FMNL3: variants seen among roughly 807,000 people sequenced by gnomAD.
FMNL3 encodes the protein formin-like protein 3.
FMNL3 carries 57 observed loss-of-function variants against 119.6 expected under a neutral mutation model. The observed-to-expected ratio is 0.48, with a 90% confidence interval of 0.39 to 0.59. The LOEUF is 0.59. Ranked by LOEUF, FMNL3 falls within the 20% of genes least tolerant of loss-of-function variation. FMNL3 has a pLI of 0.00. For synonymous variants in FMNL3, 491 were observed against 507.3 expected (o/e 0.97, Z 0.43); for missense variants, 1,053 against 1,323.5 (o/e 0.80, Z 3.17).
rs551320921 is a variant in FMNL3 at position 49,679,519 on chromosome 12, CTTTTTT to C, written c.127-10971_127-10966del. Among the ~76,000 whole-genome samples the C allele has an allele frequency of 4.0e-4, 36 of 90,642 alleles. No homozygotes were observed. In the East Asian group the frequency reaches 8.9e-3, roughly 22 times the overall value. The allele number at this position is 90,642 out of a possible 152,430, so 59.5% of individuals were successfully genotyped here. On this transcript the variant is annotated intron_variant, in intron 1 of 25. Transcript: ENST00000335154. Reference sequence around the variant, plus strand: ...ATCATTCTTGGAACAGCATTTGTGTCTTTTTTTTTTTTTTTTTTTTTTTTTGAGACA... The same window carrying C: ...ATCATTCTTGGAACAGCATTTGTGTCTTTTTTTTTTTTTTTTTTTGAGACA...
chr12:49,645,626 T>C lies in FMNL3; in HGVS notation c.*189A>G, dbSNP rs1291178145. On this transcript the variant is annotated 3_prime_UTR_variant, in exon 26 of 26. Transcript: ENST00000335154. ...AGACCTTGGGGGCAAAGTGCAGTAC[T>C]GGAAGCACCAGGGACCTACAGACCT... The C allele has an allele frequency of 7.2e-6, 4 of 558,798 alleles. No individual in the cohort carries two copies. The highest frequency in any genetic ancestry group is 1.2e-5 in the Non-Finnish European group (4 of 320,616). 34.6% of individuals were successfully genotyped at this position (558,798 alleles called of 1,614,324 possible). A position where few individuals can be genotyped will look rare whatever the true frequency, so the allele number is the denominator to read the frequency against.
chr12:49,649,499 A>C lies in FMNL3; in HGVS notation c.2275T>G (p.Ser759Ala), dbSNP rs761596601. 4.3e-6 allele frequency: 7 copies of C among 1,614,056 alleles called. No homozygotes were observed. Among genetic ancestry groups the C allele is most frequent in the Non-Finnish European group, 8.5e-7 (1 of 1,180,052 alleles). The change falls in exon 19 of 26, where the codon TCT becomes GCT. Residue 759 changes from serine (S) to alanine (A), a missense_variant. Transcript: ENST00000335154. This position sits in a 1 kb window ranked among gnomAD's most constrained non-coding sequence, Gnocchi z 5.6. Reference sequence around the variant, plus strand: ...AACATCTGCTTCAGCTTCTGTGAAGACTTGACGGAAGCGGACGCCGCAATG... The same window carrying C: ...AACATCTGCTTCAGCTTCTGTGAAGCCTTGACGGAAGCGGACGCCGCAATG... Reference protein sequence around the residue: ...AIIAASASVKSSQKLKQMLEI... With the variant: ...AIIAASASVKASQKLKQMLEI...
rs1427068108 is a variant in FMNL3 at position 49,637,461 on chromosome 12, C to T, written c.*8354G>A. ...TCACTCTCCCTATAACTGGCCTCTC[C>T]CTGCTCAGACCTTCCTGGACGAGCT... On this transcript the variant is annotated 3_prime_UTR_variant, in exon 26 of 26. Coordinates refer to ENST00000335154, the MANE Select transcript of FMNL3 (RefSeq NM_175736.5). The T allele has an allele frequency of 1.9e-6, 3 of 1,609,038 alleles. No individual in the cohort carries two copies. In the South Asian group the frequency reaches 3.3e-5, roughly 18 times the overall value.
chr12:49,678,012 G>A (rs1002621051), intron 1 of FMNL3, among the ~76,000 whole-genome samples: 5 of 150,914 alleles, frequency 3.3e-5, no homozygotes, highest in African/African-American at 1.2e-4. Context: ...ACACACATCC[G>A]CCACCATACC....
chr12:49,673,012 G>A (rs1217396189), intron 1 of FMNL3, among the ~76,000 whole-genome samples: 2 of 152,196 alleles, frequency 1.3e-5, no homozygotes, highest in African/African-American at 4.8e-5. Context: ...AGCTCCAGCA[G>A]GGGCTGTTTG....
At chr12:49,696,426 G>A (rs1053196327) in intron 1 of FMNL3, among the ~76,000 whole-genome samples, 1 of 152,182 alleles carries the variant, frequency 6.6e-6, no homozygotes, top group African/African-American at 2.4e-5. Flanking sequence ...ATTCTCGTTT[G>A]ATTGAAAAAT....
At position 49,662,008 on chromosome 12, in the gene FMNL3, T is replaced by A. The variant is rs1943748292; in HGVS notation, c.410A>T (p.Asp137Val). The A allele has an allele frequency of 6.2e-7, 1 of 1,613,932 alleles. No individual in the cohort carries two copies. The highest frequency in any genetic ancestry group is 1.1e-5 in the South Asian group (1 of 91,086). Residue 137 changes from aspartate (D) to valine (V), a missense_variant, in exon 5 of 26, where the codon GAT becomes GTT. By Grantham distance (152) the Asp-to-Val change is radical (BLOSUM62 -3). Transcript: ENST00000335154. Reference sequence around the variant, plus strand: ...AAAGGACAGGTAATCCACCAGTACATCCAGGCCTTTGTTTTCATCATTCAG... The same window carrying A: ...AAAGGACAGGTAATCCACCAGTACAACCAGGCCTTTGTTTTCATCATTCAG... ...EFLNDENKGL[D>V]VLVDYLSFAQ... is the part of the protein sequence containing the mutation.
chr12:49,656,958 A>C, intron 7 of FMNL3, 59 bp from the exon 8 acceptor site: 1 of 1,544,056 alleles, frequency 6.5e-7, no homozygotes, highest in South Asian at 1.1e-5. Flanking sequence ...GAGCCCAGCC[A>C]ATCTCCTTGA....
intron 14 of FMNL3, 109 bp from the exon 15 acceptor site, chr12:49,651,559 T>C: frequency 1.2e-6 from 1 of 836,106 alleles, no homozygotes; most frequent in East Asian, 3.0e-5. Context: ...AAAAAAAAAC[T>C]CTCAGAGAAG....
At position 49,637,496 on chromosome 12, in the gene FMNL3, A is replaced by T; in HGVS notation, c.*8319T>A. 1.1e-5 allele frequency: 17 copies of T among 1,613,644 alleles called. No homozygotes were observed. The highest frequency in any genetic ancestry group is 1.4e-5 in the Non-Finnish European group (16 of 1,179,938). ...CCTTCCTGGACGAGCTGCATGAGAC[A>T]GGGCAGCTGCACTCTATGTCCACCT... On this transcript the variant is annotated 3_prime_UTR_variant, in exon 26 of 26. Coordinates refer to ENST00000335154, the MANE Select transcript of FMNL3 (RefSeq NM_175736.5).
In FMNL3 at chr12:49,694,117, A is replaced by G. The variant is rs550266945; in HGVS notation, c.126+12938T>C. Among the ~76,000 whole-genome samples, 5 of 151,626 alleles carry G rather than the reference A, an allele frequency of 3.3e-5. No homozygotes were observed. The East Asian group carries it at 9.8e-4, about 30-fold the overall frequency. On this transcript the variant is annotated intron_variant, in intron 1 of 25. Coordinates refer to ENST00000335154, the MANE Select transcript of FMNL3 (RefSeq NM_175736.5). Reference sequence around the variant, plus strand: ...TTATTTTTGTAGAGACAGGGGTCTCACTATGTTGCCCAGGCTAGTCTCGAA... The same window carrying G: ...TTATTTTTGTAGAGACAGGGGTCTCGCTATGTTGCCCAGGCTAGTCTCGAA...
intron 1 of FMNL3, among the ~76,000 whole-genome samples, chr12:49,700,240 A>C (rs185255578): frequency 1.3e-5 from 2 of 151,818 alleles, no homozygotes; most frequent in South Asian, 2.1e-4. Context: ...AAAACACAAA[A>C]AATTAGCCAG....
Position 49,649,431 on chromosome 12 carries a change from T to C in FMNL3, c.2304+39A>G, listed in dbSNP as rs761316831. 55 of 1,613,840 alleles carry C rather than the reference T, an allele frequency of 3.4e-5. No homozygotes were observed. The highest frequency in any genetic ancestry group is 1.2e-4 in the Admixed American group (7 of 60,016). ...TAGCCCCAGGCCCCCACCTAGGACC[T>C]GAAAACCCCCAGCACCCCTGTTCAC... On this transcript the variant is annotated intron_variant, in intron 19 of 25. Coordinates refer to ENST00000335154, the MANE Select transcript of FMNL3 (RefSeq NM_175736.5). The surrounding 1 kb of genome is among the most constrained non-coding windows in gnomAD (Gnocchi z 5.6).
chr12:49,695,665 A>G (rs1364977547), intron 1 of FMNL3, among the ~76,000 whole-genome samples: 1 of 152,230 alleles, frequency 6.6e-6, no homozygotes, highest in Non-Finnish European at 1.5e-5. Flanking sequence ...CCAGACACTG[A>G]GCCATTCCTA....
Position 49,644,423 on chromosome 12 carries a change from T to C in FMNL3, c.*1392A>G, listed in dbSNP as rs1296291975. 5 of 556,668 alleles carry C rather than the reference T, an allele frequency of 9.0e-6. No homozygotes were observed. The highest frequency in any genetic ancestry group is 1.6e-5 in the Non-Finnish European group (5 of 307,368). 34.5% of individuals were successfully genotyped at this position (556,668 alleles called of 1,614,324 possible). On this transcript the variant is annotated 3_prime_UTR_variant, in exon 26 of 26. Transcript: ENST00000335154. Reference sequence around the variant, plus strand: ...CCCTCAGCCCCAGACCAGAGATGGGTGGTATATGCCATGTGGGGTGGGTGA... The same window carrying C: ...CCCTCAGCCCCAGACCAGAGATGGGCGGTATATGCCATGTGGGGTGGGTGA...
intron 5 of FMNL3, among the ~76,000 whole-genome samples, chr12:49,660,843 C>T (rs1246179071): frequency 6.6e-6 from 1 of 152,222 alleles, no homozygotes; most frequent in Non-Finnish European, 1.5e-5. Flanking sequence ...CACCTGTGGT[C>T]CCAGCTACTC....
In FMNL3 at chr12:49,707,100, C is replaced by A; in HGVS notation, c.81G>T (p.Pro27=). Residue 27 remains proline (P), a synonymous_variant, in exon 1 of 26, where the codon CCG becomes CCT. Transcript: ENST00000335154. ...CCTCCAGCTCACAGGGCTCAGGCAT[C>A]GGCATCTTGCCGGGCGGCAGCAACA... The part of the protein sequence containing the change: ...VPLLLPPGKM[P]MPEPCELEER... 6.2e-7 allele frequency: 1 copy of A among 1,601,702 alleles called. No individual in the cohort carries two copies. The highest frequency in any genetic ancestry group is 8.5e-7 in the Non-Finnish European group (1 of 1,175,274).
At chr12:49,653,967 C>G in intron 11 of FMNL3, 93 bp from the exon 12 acceptor site, 1 of 1,475,456 alleles carries the variant, frequency 6.8e-7, no homozygotes. Flanking sequence ...TCCCCCTTCG[C>G]CACCACTTCC....
chr12:49,707,327 G>A lies in FMNL3; in HGVS notation c.-147C>T. ...CGTCGAGGGCGCCGGGGGTTCCCTGGAGTCCCGCTGGCGGGGGCGCGCGGC... is the reference window on the plus strand; with the variant it reads ...CGTCGAGGGCGCCGGGGGTTCCCTGAAGTCCCGCTGGCGGGGGCGCGCGGC... On this transcript the variant is annotated 5_prime_UTR_variant, in exon 1 of 26. Coordinates refer to ENST00000335154, the MANE Select transcript of FMNL3 (RefSeq NM_175736.5). 1.5e-6 allele frequency: 1 copy of A among 672,722 alleles called. No homozygotes were observed. The highest frequency in any genetic ancestry group is 2.2e-6 in the Non-Finnish European group (1 of 455,098). 41.7% of individuals were successfully genotyped at this position (672,722 alleles called of 1,614,324 possible). A position where few individuals can be genotyped will look rare whatever the true frequency, so the allele number is the denominator to read the frequency against.
Sources: gnomAD v4.1 joint callset for allele counts (sites outside exome capture counted in the v4.1 genomes callset) on GRCh38, gnomAD v4.1.1 for gene constraint, Gnocchi (gnomAD v3.1) non-coding constraint, MANE v1.5 for transcripts, NCBI Gene and HGNC (gene_info 2026-07-23, HGNC 2026-07-21) for gene names.